Variants in DPP6 observed in about 807,000 individuals in gnomAD.
The protein encoded by DPP6 is dipeptidyl peptidase like 6.
DPP6 carries 69 observed loss-of-function variants against 122.6 expected under a neutral mutation model. The ratio of observed to expected loss-of-function variants is 0.56; its 90% CI spans 0.46 to 0.69. The LOEUF is 0.69. Among genes scored for constraint, DPP6 ranks in the 30% least tolerant of loss-of-function variants. The pLI is 0.00. For synonymous variants in DPP6, 418 were observed against 433.1 expected (o/e 0.97, Z 0.43); for missense variants, 928 against 1,116.9 (o/e 0.83, Z 2.41).
intron 1 of DPP6, among the ~76,000 whole-genome samples, chr7:154,061,084 C>G (rs113006947): frequency 1.3e-5 from 2 of 149,112 alleles, no homozygotes; most frequent in African/African-American, 2.4e-5. Flanking sequence ...AGCTCGGGAA[C>G]AGAAAGAAAG....
chr7:154,130,637 C>T (rs1795224131), intron 1 of DPP6, among the ~76,000 whole-genome samples: 1 of 152,062 alleles, frequency 6.6e-6, no homozygotes, highest in Non-Finnish European at 1.5e-5. Context: ...TGTGTTTTAC[C>T]TGATGTTTAA....
chr7:154,653,549 G>C (rs12534528), intron 6 of DPP6, among the ~76,000 whole-genome samples: 3 of 140,690 alleles, frequency 2.1e-5, no homozygotes, highest in South Asian at 4.2e-4. Context: ...GATAGATATA[G>C]ATAGATAATA....
chr7:154,737,975 C>T (rs568658157), intron 8 of DPP6, among the ~76,000 whole-genome samples: 5 of 152,310 alleles, frequency 3.3e-5, no homozygotes, highest in South Asian at 4.1e-4. Context: ...TAAACAAGAG[C>T]GCTTCTGTGG....
At chr7:154,628,035 G>A (rs1239020748) in intron 5 of DPP6, among the ~76,000 whole-genome samples, 3 of 152,182 alleles carry the variant, frequency 2.0e-5, no homozygotes, top group Non-Finnish European at 4.4e-5. Flanking sequence ...CAGATAGCGG[G>A]GAGGCAGAGG....
intron 7 of DPP6, among the ~76,000 whole-genome samples, chr7:154,699,247 T>A (rs141625550): frequency 1.5e-4 from 23 of 152,318 alleles, no homozygotes; most frequent in African/African-American, 5.1e-4. Flanking sequence ...GTATTAGGAC[T>A]GTATACAAAA....
At chr7:154,753,179 T>C (rs1340958267) in intron 8 of DPP6, among the ~76,000 whole-genome samples, 1 of 152,152 alleles carries the variant, frequency 6.6e-6, no homozygotes, top group Non-Finnish European at 1.5e-5. Context: ...AAACAGTTTC[T>C]TTGGTGCTAA....
chr7:154,430,915 C>T (rs1818303275), intron 1 of DPP6, among the ~76,000 whole-genome samples: 1 of 152,088 alleles, frequency 6.6e-6, no homozygotes, highest in African/African-American at 2.4e-5. Context: ...GTTAAGTCTT[C>T]CATTCAGGAA....
chr7:154,104,182 A>G (rs1805971959), intron 1 of DPP6, among the ~76,000 whole-genome samples: 1 of 152,212 alleles, frequency 6.6e-6, no homozygotes, highest in Admixed American at 6.5e-5. Flanking sequence ...CCTTTCTGGA[A>G]TCGCAGTCTC....
At chr7:154,881,357 G>A (rs904775431) in intron 21 of DPP6, among the ~76,000 whole-genome samples, 4 of 152,158 alleles carry the variant, frequency 2.6e-5, no homozygotes, top group African/African-American at 4.8e-5. Flanking sequence ...GGGGAGGGTC[G>A]CGCAGTGAAC....
At chr7:153,868,863 G>A in the DPP6 span, among the ~76,000 whole-genome samples, 8 of 151,940 alleles carry the variant, frequency 5.3e-5, no homozygotes, top group African/African-American at 1.2e-4. Flanking sequence ...CTTTGTTCTC[G>A]TTGGTTTCAA....
chr7:154,575,409 T>TG (rs1831544582), intron 5 of DPP6, among the ~76,000 whole-genome samples: 2 of 75,212 alleles, frequency 2.7e-5, no homozygotes, highest in African/African-American at 5.9e-5. Flanking sequence ...GTGTGTGGTG[T>TG]TTGTGTATGT....
intron 2 of DPP6, among the ~76,000 whole-genome samples, chr7:154,452,910 C>T (rs559742005): frequency 1.3e-5 from 2 of 152,294 alleles, no homozygotes; most frequent in African/African-American, 4.8e-5. Context: ...GAGAATATGT[C>T]CCTTTCAATG....
At chr7:154,479,334 G>C (rs1823027787) in intron 3 of DPP6, among the ~76,000 whole-genome samples, 1 of 152,046 alleles carries the variant, frequency 6.6e-6, no homozygotes, top group Non-Finnish European at 1.5e-5. Flanking sequence ...AAGGTGGGTG[G>C]ATCATTTGAG....
intron 1 of DPP6, among the ~76,000 whole-genome samples, chr7:154,102,872 C>T (rs1585382206): frequency 6.6e-6 from 1 of 152,162 alleles, no homozygotes; most frequent in African/African-American, 2.4e-5. Flanking sequence ...TTTAAGCCAT[C>T]CACAGGATTT....
rs184988431 is a variant in DPP6 at position 154,317,293 on chromosome 7, G to A, written c.244-128921G>A. Among the ~76,000 whole-genome samples, 515 of 152,198 alleles carry A rather than the reference G, an allele frequency of 3.4e-3. 5 individuals carry two copies. Among genetic ancestry groups the A allele is most frequent in the African/African-American group, 0.012 (492 of 41,512 alleles). On this transcript the variant is annotated intron_variant, in intron 1 of 25. Transcript: ENST00000377770. ...GGGCGGATCATGAGGTCAGGAGATT[G>A]AGACCATCCTGGCTAACATGGTGAA... is the stretch of plus-strand genomic sequence containing the variant.
At chr7:153,898,279 G>A (rs904326805) in intron 1 of DPP6, among the ~76,000 whole-genome samples, 4 of 151,918 alleles carry the variant, frequency 2.6e-5, no homozygotes, top group African/African-American at 7.3e-5. Context: ...ACAACAAGAC[G>A]CCATCTCTAA....
intron 1 of DPP6, among the ~76,000 whole-genome samples, chr7:153,951,372 G>A (rs926157668): frequency 3.9e-5 from 6 of 152,162 alleles, no homozygotes; most frequent in African/African-American, 1.4e-4. Flanking sequence ...GATTCCAGCG[G>A]GTTAGAAGCG....
rs547370422 is a variant in DPP6 at position 154,283,829 on chromosome 7, T to C, written c.244-162385T>C. ...ACAGTATTGGATATCGCACTCTCTGTGGGACATTTGCTCCTTATTCTGACA... is the reference window on the plus strand; with the variant it reads ...ACAGTATTGGATATCGCACTCTCTGCGGGACATTTGCTCCTTATTCTGACA... On this transcript the variant is annotated intron_variant, in intron 1 of 25. Transcript: ENST00000377770. Among the ~76,000 whole-genome samples the C allele has an allele frequency of 3.9e-4, 60 of 152,184 alleles. 1 individual carries two copies. Among genetic ancestry groups the C allele is most frequent in the Non-Finnish European group, 7.3e-4 (50 of 68,032 alleles).
intron 2 of DPP6, among the ~76,000 whole-genome samples, chr7:154,463,239 G>T (rs1268403021): frequency 8.9e-6 from 1 of 112,044 alleles, no homozygotes; most frequent in African/African-American, 3.5e-5. Context: ...ACGGAGTCTC[G>T]CTCTGTCGCC....
Sources: allele counts gnomAD v4.1 joint callset (sites outside exome capture counted in the v4.1 genomes callset), GRCh38; gene constraint gnomAD v4.1.1; transcripts MANE v1.5; gene names NCBI Gene and HGNC (gene_info 2026-07-23, HGNC 2026-07-21).